Variants in IQGAP2 observed in about 807,000 individuals in gnomAD.
IQGAP2 encodes IQ motif containing GTPase activating protein 2.
A neutral mutation model predicts 201.3 loss-of-function variants in IQGAP2; 173 were observed. The ratio of observed to expected loss-of-function variants is 0.86; its 90% CI spans 0.76 to 0.98. The LOEUF (loss-of-function observed/expected upper bound fraction) is 0.98. IQGAP2 is among the 50% of genes least tolerant of loss of function. IQGAP2 has a pLI of 0.00. For missense variants in IQGAP2, 1,687 were observed against 1,864.8 expected (o/e 0.90, Z 1.76); for synonymous variants, 675 against 673.9 (o/e 1.00, Z -0.03).
intron 20 of IQGAP2, 137 bp downstream of exon 20, chr5:76,655,140 A>G (rs1752811211): frequency 4.9e-6 from 3 of 612,402 alleles, no homozygotes; most frequent in South Asian, 2.2e-5. Context: ...TGATCATCTC[A>G]GGCCCCAGGT....
intron 35 of IQGAP2, among the ~76,000 whole-genome samples, chr5:76,705,659 A>G (rs556388533): frequency 3.6e-4 from 55 of 152,208 alleles, no homozygotes; most frequent in Non-Finnish European, 6.3e-4. Context: ...TTCCCTATAG[A>G]ATTTTAGTTC....
intron 14 of IQGAP2, among the ~76,000 whole-genome samples, chr5:76,630,555 G>C (rs1561530844): frequency 6.6e-6 from 1 of 152,240 alleles, no homozygotes; most frequent in South Asian, 2.1e-4. Context: ...ACTCAATGAT[G>C]ATATATCCAA....
chr5:76,417,802 G>A (rs560903297), intron 1 of IQGAP2, among the ~76,000 whole-genome samples: 1 of 151,874 alleles, frequency 6.6e-6, no homozygotes. Context: ...GGCTGGTCTT[G>A]AACTCCTGAG....
At chr5:76,677,437 A>C in intron 28 of IQGAP2, 87 bp downstream of exon 28, 1 of 1,236,600 alleles carries the variant, frequency 8.1e-7, no homozygotes, top group Non-Finnish European at 1.1e-6. Context: ...TACAGGACTT[A>C]TTGTACACAT....
chr5:76,687,517 A>C (rs1172185282), intron 30 of IQGAP2, among the ~76,000 whole-genome samples: 2 of 152,210 alleles, frequency 1.3e-5, no homozygotes, highest in Non-Finnish European at 2.9e-5. Flanking sequence ...TAAAGTCTAA[A>C]AGTACCAGTA....
In IQGAP2 at chr5:76,674,042, T is replaced by C. The variant is rs1171437903; in HGVS notation, c.3294+6T>C. ...CAGAAGATGAGCTATTAAAGGTAGATTTTCAAGGGTAATCTCACCATAGCT... is the reference window on the plus strand; with the variant it reads ...CAGAAGATGAGCTATTAAAGGTAGACTTTCAAGGGTAATCTCACCATAGCT... On this transcript the variant is annotated splice_donor_region_variant and intron_variant, in intron 26 of 35. Transcript: ENST00000274364. 6.5e-7 allele frequency: 1 copy of C among 1,543,768 alleles called. No homozygotes were observed. Among genetic ancestry groups the C allele is most frequent in the Non-Finnish European group, 9.0e-7 (1 of 1,116,142 alleles).
At chr5:76,477,223 T>G (rs1755487350) in intron 2 of IQGAP2, among the ~76,000 whole-genome samples, 1 of 152,082 alleles carries the variant, frequency 6.6e-6, no homozygotes, top group Non-Finnish European at 1.5e-5. Flanking sequence ...CGCCTGTAGT[T>G]TCAGCTACTT....
At chr5:76,662,599 T>A (rs972763780) in intron 21 of IQGAP2, among the ~76,000 whole-genome samples, 1 of 152,158 alleles carries the variant, frequency 6.6e-6, no homozygotes. Flanking sequence ...TTTGAGGGAG[T>A]TGAACGATTT....
chr5:76,491,018 G>T (rs928127605), intron 2 of IQGAP2, among the ~76,000 whole-genome samples: 35 of 147,782 alleles, frequency 2.4e-4, no homozygotes, highest in African/African-American at 8.3e-4. Context: ...GAGTCCTTGG[G>T]TTTATCAGCT....
chr5:76,548,992 T>C (rs997636653), intron 2 of IQGAP2, among the ~76,000 whole-genome samples: 7 of 152,184 alleles, frequency 4.6e-5, no homozygotes, highest in African/African-American at 1.2e-4. Flanking sequence ...AATGCTGGCA[T>C]ACTTCCTGCG....
chr5:76,631,580 A>T (rs554361018), intron 14 of IQGAP2, among the ~76,000 whole-genome samples: 2 of 152,172 alleles, frequency 1.3e-5, no homozygotes, highest in African/African-American at 4.8e-5. Flanking sequence ...CATTTCATAG[A>T]TTACTACAGC....
chr5:76,404,619 T>C (rs993282031), intron 1 of IQGAP2: 14 of 361,578 alleles, frequency 3.9e-5, no homozygotes, highest in African/African-American at 3.1e-4. Context: ...GTAAGGCCAC[T>C]GACTTGCTTA....
chr5:76,635,417 A>G (rs1272347635), intron 15 of IQGAP2, among the ~76,000 whole-genome samples: 1 of 152,192 alleles, frequency 6.6e-6, no homozygotes, highest in Non-Finnish European at 1.5e-5. Flanking sequence ...TTTACTTCTC[A>G]GTTCAAGTGA....
intron 2 of IQGAP2, among the ~76,000 whole-genome samples, chr5:76,529,094 A>T (rs1280338264): frequency 6.6e-6 from 1 of 152,146 alleles, no homozygotes; most frequent in Non-Finnish European, 1.5e-5. Flanking sequence ...TGCAAGGGAG[A>T]TTAGTTTTGA....
At chr5:76,419,440 A>G (rs1189672204) in intron 1 of IQGAP2, among the ~76,000 whole-genome samples, 7 of 151,840 alleles carry the variant, frequency 4.6e-5, no homozygotes, top group African/African-American at 1.7e-4. Context: ...AAGTTCAAGC[A>G]ATTCTCCTGC....
At chr5:76,456,246 T>C (rs1754076771) in intron 1 of IQGAP2, among the ~76,000 whole-genome samples, 1 of 152,190 alleles carries the variant, frequency 6.6e-6, no homozygotes, top group Non-Finnish European at 1.5e-5. Context: ...GTTTTTAACA[T>C]GGGGGTGGCA....
chr5:76,553,630 A>G (rs1743713955), intron 2 of IQGAP2, among the ~76,000 whole-genome samples: 1 of 152,048 alleles, frequency 6.6e-6, no homozygotes, highest in Non-Finnish European at 1.5e-5. Context: ...TTTTTCTCCC[A>G]CAAGACAGAA....
intron 3 of IQGAP2, among the ~76,000 whole-genome samples, chr5:76,563,907 T>C (rs1167853588): frequency 2.0e-5 from 3 of 152,154 alleles, no homozygotes; most frequent in Admixed American, 6.5e-5. Flanking sequence ...ATATGTATAT[T>C]AAATACAGAT....
At chr5:76,602,320 C>T (rs1747482446) in intron 11 of IQGAP2, among the ~76,000 whole-genome samples, 1 of 152,188 alleles carries the variant, frequency 6.6e-6, no homozygotes, top group African/African-American at 2.4e-5. Flanking sequence ...AGCTTACAGG[C>T]TAATGGGGCA....
Sources: gnomAD v4.1 joint callset for allele counts (sites outside exome capture counted in the v4.1 genomes callset) on GRCh38, gnomAD v4.1.1 for gene constraint, MANE v1.5 for transcripts, NCBI Gene and HGNC (gene_info 2026-07-23, HGNC 2026-07-21) for gene names.